The following ZNF704 variants were observed in gnomAD, a reference collection of about 807,000 sequenced individuals.
ZNF704 encodes glucocorticoid induced gene 1.
A neutral mutation model predicts 44.7 loss-of-function variants in ZNF704; 10 were observed. That is an observed-to-expected ratio of 0.22 (90% CI 0.14 to 0.38). ZNF704 has a LOEUF of 0.38. Ranked by LOEUF, ZNF704 falls within the 10% of genes least tolerant of loss-of-function variation. ZNF704 has a pLI of 1.00. For missense variants in ZNF704, 390 were observed against 545.5 expected (o/e 0.71, Z 2.84); for synonymous variants, 211 against 207.6 (o/e 1.02, Z -0.14).
At chr8:80,839,809 G>A (rs1459831796) in intron 1 of ZNF704, among the ~76,000 whole-genome samples, 1 of 152,054 alleles carries the variant, frequency 6.6e-6, no homozygotes, top group African/African-American at 2.4e-5. Context: ...CTTCCTGCCT[G>A]TGGGCTCTGG....
At chr8:80,649,580 CTG>C (rs1215419620) in intron 7 of ZNF704, among the ~76,000 whole-genome samples, 1 of 152,192 alleles carries the variant, frequency 6.6e-6, no homozygotes, top group Non-Finnish European at 1.5e-5. Context: ...CCACAGCAGT[CTG>C]AGATCAAACT....
intron 2 of ZNF704, among the ~76,000 whole-genome samples, chr8:80,803,067 A>T (rs574720528): frequency 1.3e-5 from 2 of 152,324 alleles, no homozygotes; most frequent in East Asian, 3.9e-4. Flanking sequence ...AGAGAGCCAA[A>T]TCATGAATGA....
chr8:80,752,855 T>C (rs1047131771), intron 2 of ZNF704, among the ~76,000 whole-genome samples: 1 of 152,198 alleles, frequency 6.6e-6, no homozygotes, highest in Non-Finnish European at 1.5e-5. Context: ...AAATAATCTT[T>C]TAAAGTTGGC....
intron 7 of ZNF704, among the ~76,000 whole-genome samples, chr8:80,654,516 A>G (rs1468319472): frequency 6.6e-6 from 1 of 152,254 alleles, no homozygotes; most frequent in Admixed American, 6.5e-5. Flanking sequence ...CAACCCCATC[A>G]AAAAGTGGGC....
chr8:80,869,747 C>T (rs1186711332), intron 1 of ZNF704, among the ~76,000 whole-genome samples: 1 of 152,218 alleles, frequency 6.6e-6, no homozygotes, highest in African/African-American at 2.4e-5. Flanking sequence ...TTCTAACCAA[C>T]AGAATATGGC....
chr8:80,712,710 G>A (rs1176200869), intron 2 of ZNF704, among the ~76,000 whole-genome samples: 3 of 151,534 alleles, frequency 2.0e-5, no homozygotes, highest in African/African-American at 7.3e-5. Flanking sequence ...GAAAATGTGA[G>A]GTAATGAATA....
At chr8:80,852,568 C>A (rs1808883521) in intron 1 of ZNF704, among the ~76,000 whole-genome samples, 1 of 152,166 alleles carries the variant, frequency 6.6e-6, no homozygotes, top group South Asian at 2.1e-4. Context: ...TACTTGCTAC[C>A]ACCTTACACA....
rs903531268 is a variant in ZNF704, at chr8:80,635,803, C to T, written c.*5563G>A. Reference sequence around the variant, plus strand: ...GTAATGGTAAAAGGAGTAGCTGTTGCTATCTTGATTCTCCTATAATACCCA... The same window carrying T: ...GTAATGGTAAAAGGAGTAGCTGTTGTTATCTTGATTCTCCTATAATACCCA... On this transcript the variant is annotated 3_prime_UTR_variant, in exon 9 of 9. Transcript: ENST00000327835. 1 of 152,186 alleles carries T rather than the reference C, an allele frequency of 6.6e-6. No individual in the cohort carries two copies. The highest frequency in any genetic ancestry group is 2.4e-5 in the African/African-American group (1 of 41,446). The allele number at this position is 152,186 out of a possible 1,614,324, so 9.4% of individuals were successfully genotyped here. A position where few individuals can be genotyped will look rare whatever the true frequency, so the allele number is the denominator to read the frequency against.
intron 1 of ZNF704, among the ~76,000 whole-genome samples, chr8:80,857,601 T>A (rs552950748): frequency 2.6e-5 from 4 of 152,200 alleles, no homozygotes; most frequent in Admixed American, 6.5e-5. Flanking sequence ...TAATGTATCA[T>A]ACATTTTATA....
At chr8:80,669,465 T>G (rs1433581898) in intron 5 of ZNF704, among the ~76,000 whole-genome samples, 2 of 152,138 alleles carry the variant, frequency 1.3e-5, no homozygotes, top group Non-Finnish European at 2.9e-5. Flanking sequence ...CTCTGGTGTG[T>G]CCCCAAACAT....
At chr8:80,642,004 A>C (rs1048811747) in intron 8 of ZNF704, among the ~76,000 whole-genome samples, 1 of 152,238 alleles carries the variant, frequency 6.6e-6, no homozygotes, top group Non-Finnish European at 1.5e-5. Context: ...AAGTAAACAC[A>C]AGAAATGCCA....
In ZNF704 at chr8:80,644,145, C is replaced by T. The variant is rs1307436201; in HGVS notation, c.1033-1016G>A. Reference sequence around the variant, plus strand: ...GACCCCACGCAGTATTACTATTGTTCCCATTTTACAGATTAGGAGACTAAG... The same window carrying T: ...GACCCCACGCAGTATTACTATTGTTTCCATTTTACAGATTAGGAGACTAAG... On this transcript the variant is annotated intron_variant, in intron 7 of 8. Coordinates refer to ENST00000327835, the MANE Select transcript of ZNF704 (RefSeq NM_001033723.3). Among the ~76,000 whole-genome samples the T allele has an allele frequency of 2.6e-5, 4 of 152,152 alleles. No individual in the cohort carries two copies. In the East Asian group the frequency reaches 7.7e-4, roughly 29 times the overall value.
intron 4 of ZNF704, among the ~76,000 whole-genome samples, chr8:80,684,074 G>T (rs149270042): frequency 6.6e-6 from 1 of 152,226 alleles, no homozygotes; most frequent in East Asian, 1.9e-4. Context: ...TCCTGAGAGG[G>T]GCATGTTAAT....
intron 2 of ZNF704, among the ~76,000 whole-genome samples, chr8:80,808,224 CTTG>C (rs1808022826): frequency 6.6e-6 from 1 of 152,206 alleles, no homozygotes; most frequent in Non-Finnish European, 1.5e-5. Context: ...CAAGAACTCT[CTTG>C]TTCTTTGAAA....
At chr8:80,728,720 A>G (rs1806526139) in intron 2 of ZNF704, among the ~76,000 whole-genome samples, 2 of 152,208 alleles carry the variant, frequency 1.3e-5, no homozygotes, top group Admixed American at 6.5e-5. Context: ...GCAACATGCT[A>G]TGGTAAAACC....
intron 7 of ZNF704, among the ~76,000 whole-genome samples, chr8:80,654,014 G>C (rs368434588): frequency 3.3e-5 from 5 of 152,002 alleles, no homozygotes; most frequent in Non-Finnish European, 7.4e-5. Flanking sequence ...GGAACAGAAC[G>C]GAGCCCTCAG....
At chr8:80,684,980 A>G (rs1818510813) in intron 4 of ZNF704, among the ~76,000 whole-genome samples, 1 of 152,112 alleles carries the variant, frequency 6.6e-6, no homozygotes, top group Admixed American at 6.6e-5. Flanking sequence ...TAGTGGCTAC[A>G]ATCAGCATCC....
intron 5 of ZNF704, among the ~76,000 whole-genome samples, chr8:80,670,044 T>C (rs1451137686): frequency 1.3e-5 from 2 of 152,212 alleles, no homozygotes; most frequent in African/African-American, 4.8e-5. Context: ...CTTAAAGTCA[T>C]GAATACTCTC....
rs146816166 is a variant in ZNF704 at position 80,747,293 on chromosome 8, C to G, written c.222-54186G>C. ...CGAATCTTGCTATTCTGGTACCCAC[C>G]AAACATTTAATAATTTTTTTCAAGC... On this transcript the variant is annotated intron_variant, in intron 2 of 8. Coordinates refer to ENST00000327835, the MANE Select transcript of ZNF704 (RefSeq NM_001033723.3). Among the ~76,000 whole-genome samples, 827 of 152,134 alleles carry G rather than the reference C, an allele frequency of 5.4e-3. 6 individuals are homozygous for G. Among genetic ancestry groups the G allele is most frequent in the African/African-American group, 0.019 (796 of 41,494 alleles).
Sources: allele counts gnomAD v4.1 joint callset (sites outside exome capture counted in the v4.1 genomes callset), GRCh38; gene constraint gnomAD v4.1.1; transcripts MANE v1.5; gene names NCBI Gene and HGNC (gene_info 2026-07-23, HGNC 2026-07-21).